PXDNL: variants seen among roughly 807,000 people sequenced by gnomAD.
PXDNL encodes the protein probable oxidoreductase PXDNL.
Under a neutral mutation model 150.8 loss-of-function variants are expected in PXDNL, and 145 were observed. The ratio of observed to expected loss-of-function variants is 0.96; its 90% CI spans 0.84 to 1.10. The LOEUF (loss-of-function observed/expected upper bound fraction) is 1.10. Among genes scored for constraint, PXDNL ranks in the 50% least tolerant of loss-of-function variants. The probability of loss-of-function intolerance (pLI) is 0.00; values close to 1 mark genes in which losing one functional copy is unlikely to be tolerated. For missense variants in PXDNL, 2,087 were observed against 1,873.9 expected (o/e 1.11, Z -2.10); for synonymous variants, 757 against 725.7 (o/e 1.04, Z -0.69).
intron 4 of PXDNL, among the ~76,000 whole-genome samples, chr8:51,517,106 G>A (rs1377691985): frequency 1.3e-5 from 2 of 152,088 alleles, no homozygotes; most frequent in Admixed American, 6.5e-5. Flanking sequence ...CACTACGGAT[G>A]CTCAGCTCTG....
chr8:51,608,594 T>C lies in PXDNL; in HGVS notation c.237-15896A>G, dbSNP rs560805850. ...GGCTCACGCCTGTAATCCCAGCACT[T>C]TGGGAGGCCAAGGCGGGCAGATCAC... On this transcript the variant is annotated intron_variant, in intron 2 of 22. Transcript: ENST00000356297. Among the ~76,000 whole-genome samples the C allele has an allele frequency of 3.3e-4, 49 of 147,842 alleles. 1 individual carries two copies. The highest frequency in any genetic ancestry group is 7.9e-4 in the East Asian group (4 of 5,090).
intron 4 of PXDNL, among the ~76,000 whole-genome samples, chr8:51,535,881 T>C (rs1226009045): frequency 6.6e-6 from 1 of 152,202 alleles, no homozygotes; most frequent in Non-Finnish European, 1.5e-5. Flanking sequence ...ACAGGTATAG[T>C]GGAGATTTGC....
At chr8:51,504,837 AT>A (rs1197137998) in intron 4 of PXDNL, among the ~76,000 whole-genome samples, 1 of 152,244 alleles carries the variant, frequency 6.6e-6, no homozygotes, top group African/African-American at 2.4e-5. Context: ...TGAACTTTTC[AT>A]ATGTTCTATG....
intron 17 of PXDNL, among the ~76,000 whole-genome samples, chr8:51,398,785 A>T (rs79859189): frequency 0.025 from 3,767 of 152,284 alleles, 185 homozygotes; most frequent in African/African-American, 0.085. Context: ...TGGAATTCAC[A>T]CTTAGGAAAG....
chr8:51,338,334 C>A (rs1262115464), intron 21 of PXDNL, among the ~76,000 whole-genome samples: 2 of 152,176 alleles, frequency 1.3e-5, no homozygotes, highest in Non-Finnish European at 2.9e-5. Context: ...GCATATGCAC[C>A]TGGTAATCAC....
At position 51,409,114 on chromosome 8, in the gene PXDNL, G is replaced by A; in HGVS notation, c.2510C>T (p.Thr837Ile). Residue 837 changes from threonine to isoleucine, a missense_variant, in exon 17 of 23, where the codon ACC becomes ATC. Physicochemically the swap from Thr to Ile is moderately conservative, Grantham distance 89. Coordinates refer to ENST00000356297, the MANE Select transcript of PXDNL (RefSeq NM_144651.5). ...SDGRPCSSVCTNDPPCFPMNT... is the reference protein window; with the variant it reads ...SDGRPCSSVCINDPPCFPMNT... ...CATGGGGAAACAAGGAGGGTCGTTG[G>A]TGCAGACGGAGCTGCACGGCCGCCC... 6.2e-7 allele frequency: 1 copy of A among 1,608,432 alleles called. No individual in the cohort carries two copies. Among genetic ancestry groups the A allele is most frequent in the African/African-American group, 1.3e-5 (1 of 75,022 alleles).
At chr8:51,613,484 C>CGGG (rs113739338) in intron 2 of PXDNL, among the ~76,000 whole-genome samples, 1 of 34,332 alleles carries the variant, frequency 2.9e-5, no homozygotes, top group Non-Finnish European at 1.2e-4. Context: ...CTTAAGGGGG[C>CGGG]GGGGGGGGGG....
chr8:51,630,003 A>G (rs1043834274), intron 2 of PXDNL, among the ~76,000 whole-genome samples: 2 of 152,312 alleles, frequency 1.3e-5, no homozygotes, highest in Non-Finnish European at 2.9e-5. Flanking sequence ...AAAAAGAATA[A>G]AACTGGAGGC....
intron 19 of PXDNL, among the ~76,000 whole-genome samples, chr8:51,361,937 C>CAAAAAAAAAAAAAAAAAA (rs57092440): frequency 4.8e-4 from 28 of 58,074 alleles, no homozygotes; most frequent in African/African-American, 1.2e-3. Flanking sequence ...GATTCCATCT[C>CAAAAAAAAAAAAAAAAAA]AAAAAAAAAA....
chr8:51,432,846 GC>G lies in PXDNL; in HGVS notation c.1526-6089del, dbSNP rs1809285593. Among the ~76,000 whole-genome samples, 12 of 152,174 alleles carry G rather than the reference GC, an allele frequency of 7.9e-5. 1 individual carries two copies. The South Asian group carries it at 2.5e-3, about 32-fold the overall frequency. ...TCATAACATTTGTTTTCTATGTCTT[GC>G]CTTTCCGTAAAGGCTAGGACCTTCC... On this transcript the variant is annotated intron_variant, in intron 12 of 22. Transcript: ENST00000356297.
Position 51,433,263 on chromosome 8 carries a change from C to T in PXDNL, c.1526-6505G>A, listed in dbSNP as rs577895292. On this transcript the variant is annotated intron_variant, in intron 12 of 22. Transcript: ENST00000356297. ...ATAATAATAATAGAAATATTTCTAACATTTCATCTTTAAAAATGTAATTTT... is the reference window on the plus strand; with the variant it reads ...ATAATAATAATAGAAATATTTCTAATATTTCATCTTTAAAAATGTAATTTT... 2.5e-3 allele frequency among the ~76,000 whole-genome samples: 372 copies of T among 149,354 alleles called. 1 individual carries two copies. The Middle Eastern group carries it at 0.028, about 11-fold the overall frequency.
intron 4 of PXDNL, among the ~76,000 whole-genome samples, chr8:51,505,469 A>G (rs1204725419): frequency 6.6e-6 from 1 of 152,208 alleles, no homozygotes; most frequent in African/African-American, 2.4e-5. Context: ...CACTATATTT[A>G]TCTGTATCTA....
intron 1 of PXDNL, among the ~76,000 whole-genome samples, chr8:51,772,886 T>C (rs1234257927): frequency 6.6e-6 from 1 of 152,156 alleles, no homozygotes; most frequent in African/African-American, 2.4e-5. Flanking sequence ...ACTGACCCCA[T>C]TAAAGGCAAA....
intron 1 of PXDNL, among the ~76,000 whole-genome samples, chr8:51,803,977 C>T (rs937516155): frequency 6.6e-5 from 10 of 152,174 alleles, no homozygotes; most frequent in African/African-American, 2.4e-4. Flanking sequence ...CCTCAAATAT[C>T]CAAGACAGGT....
chr8:51,439,422 AT>A (rs778271625), intron 12 of PXDNL, among the ~76,000 whole-genome samples: 27 of 152,346 alleles, frequency 1.8e-4, no homozygotes, highest in African/African-American at 5.5e-4. Flanking sequence ...AAATAAAAAA[AT>A]AATAGATGTT....
rs188633473 is a variant in PXDNL, at chr8:51,675,765, C to A, written c.165-21005G>T. ...CCGAGATCACACCACTGCACTCCAG[C>A]CTGGGCGACACAGCAAGGCTCCGTC... On this transcript the variant is annotated intron_variant, in intron 1 of 22. Coordinates refer to ENST00000356297, the MANE Select transcript of PXDNL (RefSeq NM_144651.5). 6.0e-4 allele frequency among the ~76,000 whole-genome samples: 85 copies of A among 142,098 alleles called. No homozygotes were observed. In the East Asian group the frequency reaches 0.016, roughly 27 times the overall value. The allele number at this position is 142,098 out of a possible 152,430, so 93.2% of individuals were successfully genotyped here. A position where few individuals can be genotyped will look rare whatever the true frequency, so the allele number is the denominator to read the frequency against.
intron 4 of PXDNL, among the ~76,000 whole-genome samples, chr8:51,527,810 G>A (rs1811800692): frequency 1.3e-5 from 2 of 152,174 alleles, no homozygotes; most frequent in Non-Finnish European, 2.9e-5. Context: ...AGAGACAGAG[G>A]TTACTTGTAC....
chr8:51,443,829 T>A (rs1464113774), intron 12 of PXDNL, among the ~76,000 whole-genome samples: 1 of 152,210 alleles, frequency 6.6e-6, no homozygotes, highest in Non-Finnish European at 1.5e-5. Context: ...TAAAGATTTT[T>A]CAGATAACTG....
rs150690483 is a variant in PXDNL at position 51,515,429 on chromosome 8, T to C, written c.381-15659A>G. Reference sequence around the variant, plus strand: ...CTGGGAAGCTGACTTGGAAACAAAGTGCCCGGCATCCATGTTCTCCAGGCA... The same window carrying C: ...CTGGGAAGCTGACTTGGAAACAAAGCGCCCGGCATCCATGTTCTCCAGGCA... On this transcript the variant is annotated intron_variant, in intron 4 of 22. Transcript: ENST00000356297. Among the ~76,000 whole-genome samples the C allele has an allele frequency of 3.6e-4, 55 of 152,258 alleles. No homozygotes were observed. The East Asian group carries it at 9.5e-3, about 26-fold the overall frequency.
Sources: allele counts gnomAD v4.1 joint callset (sites outside exome capture counted in the v4.1 genomes callset), GRCh38; gene constraint gnomAD v4.1.1; transcripts MANE v1.5; gene names NCBI Gene and HGNC (gene_info 2026-07-23, HGNC 2026-07-21).